Variants in PTGER4 observed in about 807,000 individuals in gnomAD.
The protein encoded by PTGER4 is prostaglandin E2 receptor EP4 subtype.
A neutral mutation model predicts 33.2 loss-of-function variants in PTGER4; 11 were observed. The observed-to-expected ratio is 0.33, with a 90% CI of 0.21 to 0.55. The LOEUF (loss-of-function observed/expected upper bound fraction) is 0.55. Ranked by LOEUF, PTGER4 falls within the 20% of genes least tolerant of loss-of-function variation. The pLI, the probability that PTGER4 is intolerant of heterozygous loss-of-function variation, is 0.92. For synonymous variants in PTGER4, 275 were observed against 281.5 expected (o/e 0.98, Z 0.23); for missense variants, 481 against 650.2 (o/e 0.74, Z 2.83).
chr5:40,742,243 A>G, the PTGER4 span, among the ~76,000 whole-genome samples: 2 of 152,138 alleles, frequency 1.3e-5, no homozygotes, highest in African/African-American at 4.8e-5. Flanking sequence ...TTTCAGCCTT[A>G]TAAGAACCCC....
At chr5:40,741,379 C>A in the PTGER4 span, among the ~76,000 whole-genome samples, 1 of 152,190 alleles carries the variant, frequency 6.6e-6, no homozygotes, top group Non-Finnish European at 1.5e-5. Flanking sequence ...ATGGCTGAAG[C>A]TTGAATAGCT....
At chr5:40,728,466 G>C in the PTGER4 span, 1 of 1,609,448 alleles carries the variant, frequency 6.2e-7, no homozygotes, top group Non-Finnish European at 8.5e-7. Flanking sequence ...TTCATGAAGA[G>C]ACATTAGCAC....
downstream of PTGER4, among the ~76,000 whole-genome samples, chr5:40,697,104 AGAAAG>A (rs1269749788): frequency 8.6e-5 from 8 of 93,216 alleles, 1 homozygote; most frequent in East Asian, 5.0e-3. Flanking sequence ...GAGAAAAGAA[AGAAAG>A]GAAAGAAAAA....
At chr5:40,698,103 A>G (rs1316122862), downstream of PTGER4, among the ~76,000 whole-genome samples, 1 of 142,688 alleles carries the variant, frequency 7.0e-6, no homozygotes, top group Non-Finnish European at 1.5e-5. Flanking sequence ...AAAAAAAAAA[A>G]AAAAAAAAAA....
intron 2 of PTGER4, among the ~76,000 whole-genome samples, chr5:40,684,113 G>GCCC (rs1301942800): frequency 2.8e-5 from 2 of 72,606 alleles, no homozygotes; most frequent in African/African-American, 1.2e-4. Flanking sequence ...GGTTCATTAT[G>GCCC]CCACCCACCC....
the PTGER4 span, among the ~76,000 whole-genome samples, chr5:40,740,647 T>C: frequency 6.6e-6 from 1 of 152,176 alleles, no homozygotes; most frequent in East Asian, 1.9e-4. Context: ...AACTCTGACT[T>C]GACGACTATC....
the PTGER4 span, among the ~76,000 whole-genome samples, chr5:40,724,806 TCAAA>T: frequency 1.3e-5 from 2 of 151,864 alleles, no homozygotes; most frequent in Non-Finnish European, 1.5e-5. Flanking sequence ...GCAGCTTGAC[TCAAA>T]CAATGTCTAC....
the PTGER4 span, among the ~76,000 whole-genome samples, chr5:40,724,060 G>T: frequency 6.6e-6 from 1 of 152,158 alleles, no homozygotes; most frequent in African/African-American, 2.4e-5. Context: ...AGATCTCAAA[G>T]AGATATTAGC....
the PTGER4 span, among the ~76,000 whole-genome samples, chr5:40,721,316 G>C: frequency 6.6e-6 from 1 of 152,080 alleles, no homozygotes; most frequent in Non-Finnish European, 1.5e-5. Flanking sequence ...TTAGAAGTAA[G>C]AACAAAACTA....
At chr5:40,704,964 GA>G in the PTGER4 span, among the ~76,000 whole-genome samples, 1 of 152,092 alleles carries the variant, frequency 6.6e-6, no homozygotes, top group Non-Finnish European at 1.5e-5. Context: ...CACATAACTA[GA>G]AAAAAATTTT....
chr5:40,728,549 C>A, the PTGER4 span: 1 of 1,384,396 alleles, frequency 7.2e-7, no homozygotes, highest in African/African-American at 1.5e-5. Context: ...AAACCCTTTT[C>A]ATTTTTTAAG....
At chr5:40,688,150 AT>A (rs1414797414) in intron 2 of PTGER4, among the ~76,000 whole-genome samples, 1 of 152,220 alleles carries the variant, frequency 6.6e-6, no homozygotes, top group Non-Finnish European at 1.5e-5. Flanking sequence ...AGTAGTAGCC[AT>A]GTTTCCTTTG....
At chr5:40,684,132 C>A (rs1465877247) in intron 2 of PTGER4, among the ~76,000 whole-genome samples, 8 of 120,182 alleles carry the variant, frequency 6.7e-5, no homozygotes, top group African/African-American at 2.7e-4. Flanking sequence ...CCACCCCCCC[C>A]CCCACAATTC....
the PTGER4 span, among the ~76,000 whole-genome samples, chr5:40,717,725 A>C: frequency 6.6e-6 from 1 of 152,200 alleles, no homozygotes; most frequent in Non-Finnish European, 1.5e-5. Flanking sequence ...GAGTATACTT[A>C]GTCTCTGGAT....
chr5:40,714,655 T>C, the PTGER4 span: 1 of 152,250 alleles, frequency 6.6e-6, no homozygotes, highest in Non-Finnish European at 1.5e-5. Flanking sequence ...CTAACCTCTC[T>C]AACCAGAGCT....
chr5:40,739,273 T>C, the PTGER4 span, among the ~76,000 whole-genome samples: 1 of 152,218 alleles, frequency 6.6e-6, no homozygotes, highest in Admixed American at 6.5e-5. Flanking sequence ...AATAAGCTTG[T>C]CAATTATCTC....
chr5:40,718,899 A>T, the PTGER4 span, among the ~76,000 whole-genome samples: 2 of 152,122 alleles, frequency 1.3e-5, no homozygotes, highest in Non-Finnish European at 2.9e-5. Context: ...AGACTGTCTC[A>T]AAATAAATAA....
chr5:40,723,504 ACT>A, the PTGER4 span, among the ~76,000 whole-genome samples: 1 of 114,104 alleles, frequency 8.8e-6, no homozygotes, highest in African/African-American at 3.4e-5. Flanking sequence ...ATAAAAGCTA[ACT>A]CAAATTAAAA....
chr5:40,697,234 G>GAAGA (rs1554024600), downstream of PTGER4, among the ~76,000 whole-genome samples: 3 of 73,644 alleles, frequency 4.1e-5, no homozygotes, highest in South Asian at 8.1e-4. Flanking sequence ...AGAAAAGAAA[G>GAAGA]AAAGAAAGAA....
Sources: gnomAD v4.1 joint callset for allele counts (sites outside exome capture counted in the v4.1 genomes callset) on GRCh38, gnomAD v4.1.1 for gene constraint, MANE v1.5 for transcripts, NCBI Gene and HGNC (gene_info 2026-07-23, HGNC 2026-07-21) for gene names.